Variants in HTT observed in about 807,000 individuals in gnomAD.
HTT encodes huntingtin.
HTT carries 104 observed loss-of-function variants against 362.3 expected under a neutral mutation model. The observed-to-expected ratio is 0.29, with a 90% CI of 0.24 to 0.34. The LOEUF is 0.34. Ranked by LOEUF, HTT falls within the 10% of genes least tolerant of loss-of-function variation. The probability of loss-of-function intolerance (pLI) is 1.00; values close to 1 mark genes in which losing one functional copy is unlikely to be tolerated. For synonymous variants in HTT, 1,577 were observed against 1,548.7 expected (o/e 1.02, Z -0.43); for missense variants, 3,301 against 3,928.6 (o/e 0.84, Z 4.27).
chr4:3,121,208 C>G lies in HTT; in HGVS notation c.1069-20C>G, dbSNP rs779393758. 1.6e-5 allele frequency: 25 copies of G among 1,590,500 alleles called. No individual in the cohort carries two copies. In the African/African-American group the frequency reaches 3.0e-4, roughly 19 times the overall value. Reference sequence around the variant, plus strand: ...ATTTTATAAACTCTGACCAGAACACCTGTGTTTCTCTGTTTCTAGGTTTAT... The same window carrying G: ...ATTTTATAAACTCTGACCAGAACACGTGTGTTTCTCTGTTTCTAGGTTTAT... On this transcript the variant is annotated intron_variant, in intron 8 of 66. Coordinates refer to ENST00000355072, the MANE Select transcript of HTT (RefSeq NM_001388492.1).
rs764420910 is a variant in HTT, at chr4:3,174,772, G to A, written c.4218G>A (p.Thr1406=). 1.9e-6 allele frequency: 3 copies of A among 1,613,970 alleles called. No homozygotes were observed. The highest frequency in any genetic ancestry group is 2.2e-5 in the East Asian group (1 of 44,896). The change falls in exon 32 of 67, where the codon ACG becomes ACA. Residue 1406 remains threonine, a synonymous_variant. Transcript: ENST00000355072. Reference sequence around the variant, plus strand: ...CTACCCAGTTGAAGACAAACCTCACGAGTGTCACAAAGAACCGTGCAGATA... The same window carrying A: ...CTACCCAGTTGAAGACAAACCTCACAAGTGTCACAAAGAACCGTGCAGATA... ...KVSTQLKTNL[T]SVTKNRADKN...
chr4:3,221,426 T>G (rs771662112), intron 53 of HTT, among the ~76,000 whole-genome samples: 3 of 152,228 alleles, frequency 2.0e-5, no homozygotes, highest in Non-Finnish European at 4.4e-5. Context: ...CCATCGGACG[T>G]GCGTGACCCA....
intron 61 of HTT, 30 bp downstream of exon 61, chr4:3,233,383 G>A (rs547654182): frequency 1.1e-5 from 17 of 1,572,986 alleles, no homozygotes; most frequent in Middle Eastern, 1.7e-4. Context: ...GGGCTGGGGC[G>A]GGGGTCTCAG....
At chr4:3,210,600 T>A (rs963559474) in intron 47 of HTT, among the ~76,000 whole-genome samples, 3 of 139,206 alleles carry the variant, frequency 2.2e-5, no homozygotes, top group Non-Finnish European at 4.8e-5. Context: ...GGGCAGGTCC[T>A]GTGAGCAGTG....
intron 41 of HTT, among the ~76,000 whole-genome samples, chr4:3,201,089 TCAG>T (rs1212039336): frequency 1.3e-5 from 2 of 152,258 alleles, no homozygotes; most frequent in African/African-American, 4.8e-5. Context: ...AGTTTGGAAT[TCAG>T]CAAGCGTCTT....
chr4:3,175,028 A>C lies in HTT; in HGVS notation c.4328A>C (p.Gln1443Pro). 1.9e-6 allele frequency: 3 copies of C among 1,613,670 alleles called. No individual in the cohort carries two copies. Among genetic ancestry groups the C allele is most frequent in the Non-Finnish European group, 2.5e-6 (3 of 1,179,520 alleles). Residue 1443 changes from glutamine (Q) to proline (P), a missense_variant, in exon 33 of 67, where the codon CAG becomes CCG. Gln to Pro is a moderately conservative substitution (Grantham distance 76). This residue lies in a region of HTT where 2,316 missense variants were observed against 2,658.5 expected (regional missense o/e 0.87). Coordinates refer to ENST00000355072, the MANE Select transcript of HTT (RefSeq NM_001388492.1). ...LKQYTTTTCVQLQKQVLDLLA... is the reference protein window; with the variant it reads ...LKQYTTTTCVPLQKQVLDLLA... The stretch of plus-strand genomic sequence containing the variant: ...CAGTACACGACTACAACATGTGTGC[A>C]GTTACAGAAGCAGGTTTTAGATTTG...
chr4:3,154,454 TG>T (rs1416468671), intron 27 of HTT, 35 bp downstream of exon 27: 2 of 1,606,146 alleles, frequency 1.2e-6, no homozygotes, highest in Non-Finnish European at 1.7e-6. Context: ...GGGACATGAG[TG>T]CAGCATCTGT....
chr4:3,188,305 C>G (rs1000879405), intron 39 of HTT: 1 of 174,286 alleles, frequency 5.7e-6, no homozygotes, highest in African/African-American at 2.4e-5. Context: ...GCAGGGCAGC[C>G]TGCCTCCAAT....
At chr4:3,107,455 G>T (rs138886853) in intron 6 of HTT, 32 bp downstream of exon 6, 3 of 1,611,234 alleles carry the variant, frequency 1.9e-6, no homozygotes, top group African/African-American at 2.7e-5. Context: ...ACAAACATGC[G>T]AGTGATGCTG....
chr4:3,218,382 C>CA lies in HTT; in HGVS notation c.7242+431dup, dbSNP rs1720513280. 1.3e-5 allele frequency among the ~76,000 whole-genome samples: 2 copies of CA among 152,278 alleles called. No individual in the cohort carries two copies. The highest frequency in any genetic ancestry group is 4.2e-4 in the South Asian group (2 of 4,814). ...GCGCAGTAGCTCATGCCTGTAATCC[C>CA]AGCACTTTGGGAAGCCAAGGTGGGC... is the stretch of plus-strand genomic sequence containing the variant. On this transcript the variant is annotated intron_variant, in intron 52 of 66. Coordinates refer to ENST00000355072, the MANE Select transcript of HTT (RefSeq NM_001388492.1). The surrounding 1 kb of genome is among the most constrained non-coding windows in gnomAD (Gnocchi z 4.4).
chr4:3,216,920 G>C (rs1720429915), intron 51 of HTT, among the ~76,000 whole-genome samples: 1 of 151,080 alleles, frequency 6.6e-6, no homozygotes, highest in African/African-American at 2.4e-5. Context: ...AGCTACTTGG[G>C]AGGCTGAGGC....
chr4:3,167,043 C>T (rs954177238), intron 29 of HTT, among the ~76,000 whole-genome samples: 1 of 151,312 alleles, frequency 6.6e-6, no homozygotes, highest in Non-Finnish European at 1.5e-5. Context: ...GAGCTGTAGA[C>T]TGGAGCTGTT....
At chr4:3,135,995 GT>G (rs1413363294) in intron 20 of HTT, 28 bp downstream of exon 20, 1 of 1,510,296 alleles carries the variant, frequency 6.6e-7, no homozygotes, top group Middle Eastern at 1.7e-4. Flanking sequence ...GTGAGATGCT[GT>G]TTTACCTTCA....
At chr4:3,237,144 GCTCACTGCAACCTCCGC>G (rs570317531) in intron 64 of HTT, among the ~76,000 whole-genome samples, 360 of 151,992 alleles carry the variant, frequency 2.4e-3, no homozygotes, top group Non-Finnish European at 4.5e-3. Flanking sequence ...TGTGATCTCG[GCTCACTGCAACCTCCGC>G]CTCCCGGGTT....
chr4:3,162,355 G>A (rs1180307804), intron 29 of HTT, among the ~76,000 whole-genome samples: 1 of 152,182 alleles, frequency 6.6e-6, no homozygotes, highest in East Asian at 1.9e-4. Context: ...GTCAGGTAGT[G>A]TGATGCCTCC....
At chr4:3,231,637 A>G (rs1721259153) in intron 60 of HTT, among the ~76,000 whole-genome samples, 1 of 148,852 alleles carries the variant, frequency 6.7e-6, no homozygotes, top group African/African-American at 2.5e-5. Flanking sequence ...CATGCTGGTG[A>G]CTCAGCAGCC....
At chr4:3,226,051 G>A (rs764668585) in intron 57 of HTT, among the ~76,000 whole-genome samples, 5 of 152,188 alleles carry the variant, frequency 3.3e-5, no homozygotes, top group Non-Finnish European at 7.3e-5. Flanking sequence ...AGCAAGGACC[G>A]TGAGACACAA....
chr4:3,174,559 G>T (rs363140), intron 31 of HTT, among the ~76,000 whole-genome samples, 162 bp from the exon 32 acceptor site: 5,665 of 152,254 alleles, frequency 0.037, 311 homozygotes, highest in African/African-American at 0.12. Flanking sequence ...ATCTGAAGAG[G>T]GCGATGCTGC....
At chr4:3,139,338 C>T (rs1385750729) in intron 21 of HTT, among the ~76,000 whole-genome samples, 1 of 152,204 alleles carries the variant, frequency 6.6e-6, no homozygotes, top group Non-Finnish European at 1.5e-5. Context: ...GCTGGGATTA[C>T]AGGAGTGTGC....
Sources: allele counts gnomAD v4.1 joint callset (sites outside exome capture counted in the v4.1 genomes callset), GRCh38; gene constraint gnomAD v4.1.1; regional missense constraint gnomAD v4.1.1; non-coding constraint Gnocchi (gnomAD v3.1); transcripts MANE v1.5; gene names NCBI Gene and HGNC (gene_info 2026-07-23, HGNC 2026-07-21).